SLC6A16: variants seen among roughly 807,000 people sequenced by gnomAD.
SLC6A16 encodes solute carrier family 6 member 16.
Under a neutral mutation model 65.4 loss-of-function variants are expected in SLC6A16, and 54 were observed. That is an observed-to-expected ratio of 0.83 (90% CI 0.66 to 1.04). The LOEUF is 1.04. SLC6A16 is among the 50% of genes least tolerant of loss of function. The pLI, the probability that SLC6A16 is intolerant of heterozygous loss-of-function variation, is 0.00. For missense variants in SLC6A16, 816 were observed against 914.0 expected (o/e 0.89, Z 1.38); for synonymous variants, 330 against 346.5 (o/e 0.95, Z 0.53).
the SLC6A16 span, among the ~76,000 whole-genome samples, chr19:49,334,255 A>G: frequency 1.3e-5 from 2 of 152,162 alleles, no homozygotes; most frequent in Non-Finnish European, 2.9e-5. Flanking sequence ...AGGCCAAGGC[A>G]GGAGGATCAC....
intron 1 of SLC6A16, among the ~76,000 whole-genome samples, chr19:49,314,743 T>G (rs951548202): frequency 2.0e-5 from 3 of 152,192 alleles, no homozygotes; most frequent in Non-Finnish European, 2.9e-5. Flanking sequence ...GTGGGATTCC[T>G]GCCAAAAACA....
intron 7 of SLC6A16, among the ~76,000 whole-genome samples, chr19:49,300,050 G>A (rs1452646612): frequency 6.8e-6 from 1 of 148,144 alleles, no homozygotes; most frequent in East Asian, 1.9e-4. Context: ...TCAAGTAGAA[G>A]GAAATCCCTC....
At chr19:49,325,257 C>A, upstream of SLC6A16, 2 of 985,442 alleles carry the variant, frequency 2.0e-6, no homozygotes, top group Non-Finnish European at 2.4e-6. Context: ...CACTCTTTCC[C>A]TACAGCTGTA....
chr19:49,335,468 C>T, the SLC6A16 span: 1 of 1,070,022 alleles, frequency 9.3e-7, no homozygotes, highest in South Asian at 1.3e-5. This position sits in a 1 kb window ranked among gnomAD's most constrained non-coding sequence, Gnocchi z 4.6. Flanking sequence ...CAGCCTCTTT[C>T]TTTCTCCCTG....
At chr19:49,320,424 C>CAAAAAA (rs143022215) in intron 1 of SLC6A16, among the ~76,000 whole-genome samples, 2 of 138,556 alleles carry the variant, frequency 1.4e-5, no homozygotes, top group Non-Finnish European at 3.1e-5. Flanking sequence ...AACAAACAAA[C>CAAAAAA]AAACAAAAAA....
chr19:49,340,006 C>A, the SLC6A16 span: 1 of 1,458,468 alleles, frequency 6.9e-7, no homozygotes. Flanking sequence ...AATAAAGGAC[C>A]CTGGGCTTGC....
At position 49,311,224 on chromosome 19, in the gene SLC6A16, C is replaced by G. The variant is rs746119231; in HGVS notation, c.124G>C (p.Ala42Pro). The G allele has an allele frequency of 5.2e-5, 84 of 1,614,020 alleles. No homozygotes were observed. Among genetic ancestry groups the G allele is most frequent in the Non-Finnish European group, 6.4e-5 (75 of 1,180,010 alleles). ...WEDKGSLTRSATSWTSEAQVS... is the reference protein window; with the variant it reads ...WEDKGSLTRSPTSWTSEAQVS... ...TGGGCCTCTGAGGTCCAAGATGTTG[C>G]AGACCGGGTCAATGAACCCTTGTCT... is the stretch of plus-strand genomic sequence containing the variant. The change falls in exon 2 of 12, where the codon GCA becomes CCA. Residue 42 changes from alanine to proline, a missense_variant. Coordinates refer to ENST00000335875, the MANE Select transcript of SLC6A16 (RefSeq NM_014037.3).
At chr19:49,336,119 C>A in the SLC6A16 span, 2 of 361,480 alleles carry the variant, frequency 5.5e-6, no homozygotes, top group African/African-American at 2.1e-5. Context: ...CGTAAAAGAG[C>A]CAAAATAACA....
In SLC6A16 at chr19:49,292,716, T is replaced by C. The variant is rs1387290677; in HGVS notation, c.1778+507A>G. ...TATGCTTCCTCTGGCCTTGGTAATT[T>C]CTGTTTCCCTGCAGGGAGCACTTTA... On this transcript the variant is annotated intron_variant, in intron 10 of 11. Coordinates refer to ENST00000335875, the MANE Select transcript of SLC6A16 (RefSeq NM_014037.3). The surrounding 1 kb of genome is among the most constrained non-coding windows in gnomAD (Gnocchi z 4.3). Among the ~76,000 whole-genome samples the C allele has an allele frequency of 6.6e-6, 1 of 152,202 alleles. No individual in the cohort carries two copies. Among genetic ancestry groups the C allele is most frequent in the Non-Finnish European group, 1.5e-5 (1 of 68,032 alleles).
chr19:49,332,644 T>C, the SLC6A16 span, among the ~76,000 whole-genome samples: 1 of 152,216 alleles, frequency 6.6e-6, no homozygotes, highest in African/African-American at 2.4e-5. Flanking sequence ...AATGTAATTA[T>C]ACCCGCAAAA....
At chr19:49,329,634 T>C (rs1343833364), upstream of SLC6A16, among the ~76,000 whole-genome samples, 2 of 141,276 alleles carry the variant, frequency 1.4e-5, no homozygotes, top group Non-Finnish European at 3.1e-5. Context: ...TTTTTTTTTT[T>C]TTTTTTTTTT....
At chr19:49,314,986 T>C (rs1970590978) in intron 1 of SLC6A16, among the ~76,000 whole-genome samples, 1 of 151,510 alleles carries the variant, frequency 6.6e-6, no homozygotes. Context: ...TCTTCTAAGA[T>C]AGCCACATGA....
At chr19:49,326,191 G>A (rs1157182140), upstream of SLC6A16, among the ~76,000 whole-genome samples, 1 of 151,506 alleles carries the variant, frequency 6.6e-6, no homozygotes, top group Non-Finnish European at 1.5e-5. Flanking sequence ...GGAAAAAAAA[G>A]AAAAAATTTG....
At chr19:49,338,167 C>A in the SLC6A16 span, 1 of 1,453,154 alleles carries the variant, frequency 6.9e-7, no homozygotes. This position sits in a 1 kb window ranked among gnomAD's most constrained non-coding sequence, Gnocchi z 5.0. Flanking sequence ...CCCGACGCTC[C>A]CCACTCCCCA....
At chr19:49,335,474 C>A in the SLC6A16 span, 1 of 1,100,506 alleles carries the variant, frequency 9.1e-7, no homozygotes, top group Non-Finnish European at 1.4e-6. This position sits in a 1 kb window ranked among gnomAD's most constrained non-coding sequence, Gnocchi z 4.6. Flanking sequence ...CTTTCTTTCT[C>A]CCTGTCTCCC....
At position 49,289,781 on chromosome 19, in the gene SLC6A16, C is replaced by T. The variant is rs1391989482; in HGVS notation, c.*342G>A. ...ATCCAGTCCTTGGAGTTCCAGTAGA[C>T]TGATTTATTCACCAACAGCATTGCT... On this transcript the variant is annotated 3_prime_UTR_variant, in exon 12 of 12. Coordinates refer to ENST00000335875, the MANE Select transcript of SLC6A16 (RefSeq NM_014037.3). 2 of 268,274 alleles carry T rather than the reference C, an allele frequency of 7.5e-6. No homozygotes were observed. Among genetic ancestry groups the T allele is most frequent in the Non-Finnish European group, 1.4e-5 (2 of 142,542 alleles). The allele number at this position is 268,274 out of a possible 1,614,324, so 16.6% of individuals were successfully genotyped here.
At chr19:49,322,074 T>C (rs926037432) in intron 1 of SLC6A16, among the ~76,000 whole-genome samples, 12 of 152,234 alleles carry the variant, frequency 7.9e-5, no homozygotes, top group Admixed American at 6.5e-4. Flanking sequence ...TTATTCAACA[T>C]AGTACTGGAA....
chr19:49,331,784 C>A, the SLC6A16 span: 1 of 457,148 alleles, frequency 2.2e-6, no homozygotes, highest in Admixed American at 2.3e-5. Flanking sequence ...AGTCACATGG[C>A]CTCAACTTCA....
the SLC6A16 span, chr19:49,337,884 G>A: frequency 9.3e-6 from 15 of 1,611,964 alleles, no homozygotes; most frequent in African/African-American, 2.0e-4. Context: ...GGAGGGGTGG[G>A]GCGGGGAAGA....
Sources: gnomAD v4.1 joint callset for allele counts (sites outside exome capture counted in the v4.1 genomes callset) on GRCh38, gnomAD v4.1.1 for gene constraint, Gnocchi (gnomAD v3.1) non-coding constraint, MANE v1.5 for transcripts, NCBI Gene and HGNC (gene_info 2026-07-23, HGNC 2026-07-21) for gene names.